CEP44: variants seen among roughly 807,000 people sequenced by gnomAD.
The protein encoded by CEP44 is centrosomal protein 44.
In CEP44, 45 loss-of-function variants were observed where a neutral mutation model predicts 46.7. That is an observed-to-expected ratio of 0.96 (90% CI 0.76 to 1.24). The LOEUF (loss-of-function observed/expected upper bound fraction) is 1.24. Among genes scored for constraint, CEP44 ranks in the 50% most tolerant of loss-of-function variants. CEP44 has a pLI of 0.00. For synonymous variants in CEP44, 142 were observed against 146.0 expected, an observed-to-expected ratio of 0.97 and a Z score of 0.20; for missense variants, 475 against 459.7, an observed-to-expected ratio of 1.03 and a Z score of -0.30.
At chr4:174,304,651 G>A (rs1049508448) in intron 6 of CEP44, among the ~76,000 whole-genome samples, 5 of 152,152 alleles carry the variant, frequency 3.3e-5, no homozygotes, top group Admixed American at 3.3e-4. Flanking sequence ...ATTATCTTAT[G>A]CAGTTATCTA....
Position 174,304,360 on chromosome 4 carries a change from C to T in CEP44, c.498C>T (p.Thr166=), listed in dbSNP as rs1321008840. The T allele has an allele frequency of 1.2e-6, 2 of 1,609,072 alleles. No individual in the cohort carries two copies. Among genetic ancestry groups the T allele is most frequent in the South Asian group, 1.1e-5 (1 of 89,568 alleles). ...TTGATATCAGTGGCAGGTTTATGAC[C>T]TCAGGAAAGGTATGCAACCACAAAG... ...VGVDISGRFM[T]SGKKKAVVIR... is the part of the protein sequence containing the mutation. Residue 166 remains threonine (T), a synonymous_variant, in exon 6 of 12, where the codon ACC becomes ACT. Transcript: ENST00000503780.
At chr4:174,293,215 C>T (rs116838163) in intron 1 of CEP44, among the ~76,000 whole-genome samples, 1,717 of 152,302 alleles carry the variant, frequency 0.011, 26 homozygotes, top group African/African-American at 0.039. Context: ...AGACCTTGGA[C>T]AGGTGAGTTG....
rs555691646 is a variant in CEP44, at chr4:174,290,728, A to C, written c.-148+6785A>C. ...GGCATTCTGTCTGGATGACCTGTACATTATAGAGAGTGATGTATCAAAGTC... is the reference window on the plus strand; with the variant it reads ...GGCATTCTGTCTGGATGACCTGTACCTTATAGAGAGTGATGTATCAAAGTC... On this transcript the variant is annotated intron_variant, in intron 1 of 11. Transcript: ENST00000503780. This position sits in a 1 kb window ranked among gnomAD's most constrained non-coding sequence, Gnocchi z 4.3. Among the ~76,000 whole-genome samples, 11 of 152,326 alleles carry C rather than the reference A, an allele frequency of 7.2e-5. No homozygotes were observed. The South Asian group carries it at 2.3e-3, about 32-fold the overall frequency.
Position 174,309,815 on chromosome 4 carries a change from T to C in CEP44, c.679-35T>C. The C allele has an allele frequency of 7.2e-7, 1 of 1,389,510 alleles. No individual in the cohort carries two copies. Among genetic ancestry groups the C allele is most frequent in the African/African-American group, 1.5e-5 (1 of 68,696 alleles). The allele number at this position is 1,389,510 out of a possible 1,614,324, so 86.1% of individuals were successfully genotyped here. A position where few individuals can be genotyped will look rare whatever the true frequency, so the allele number is the denominator to read the frequency against. On this transcript the variant is annotated intron_variant, in intron 7 of 11. Transcript: ENST00000503780. This position sits in a 1 kb window ranked among gnomAD's most constrained non-coding sequence, Gnocchi z 5.3. Reference sequence around the variant, plus strand: ...TTAATTTTAAAGAAATTTCAGTTTGTTTAATTTTATTTTTAATCTCTCTAA... The same window carrying C: ...TTAATTTTAAAGAAATTTCAGTTTGCTTAATTTTATTTTTAATCTCTCTAA...
At chr4:174,292,291 T>C (rs1738323380) in intron 1 of CEP44, among the ~76,000 whole-genome samples, 2 of 152,180 alleles carry the variant, frequency 1.3e-5, no homozygotes, top group African/African-American at 4.8e-5. Context: ...CAAAATTTTT[T>C]CTCTGTCTTT....
chr4:174,316,515 C>T lies in CEP44; in HGVS notation c.1087-15C>T. The T allele has an allele frequency of 2.5e-6, 4 of 1,575,222 alleles. No homozygotes were observed. The highest frequency in any genetic ancestry group is 2.3e-5 in the East Asian group (1 of 44,318). ...TTTGAGAAATCATCTAAATTTGTTG[C>T]TTTTTAAATTAAAGGAAACAACAAT... is the stretch of plus-strand genomic sequence containing the variant. On this transcript the variant is annotated splice_polypyrimidine_tract_variant and intron_variant, in intron 10 of 11. Transcript: ENST00000503780.
Position 174,314,078 on chromosome 4 carries a change from G to A in CEP44, c.962-2088G>A, listed in dbSNP as rs192126654. On this transcript the variant is annotated intron_variant, in intron 9 of 11. Coordinates refer to ENST00000503780, the MANE Select transcript of CEP44 (RefSeq NM_001040157.3). The surrounding 1 kb of genome is among the most constrained non-coding windows in gnomAD (Gnocchi z 4.1). ...AGGTGATAAGCCTCCAAAGATGGCAGTGAAAGATTAGTTGTTACGTGGTAA... is the reference window on the plus strand; with the variant it reads ...AGGTGATAAGCCTCCAAAGATGGCAATGAAAGATTAGTTGTTACGTGGTAA... Among the ~76,000 whole-genome samples, 3 of 152,276 alleles carry A rather than the reference G, an allele frequency of 2.0e-5. No individual in the cohort carries two copies. The highest frequency in any genetic ancestry group is 1.9e-4 in the East Asian group (1 of 5,182).
At position 174,283,957 on chromosome 4, in the gene CEP44, A is replaced by G. The variant is rs1020671491; in HGVS notation, c.-148+14A>G. 42 of 399,076 alleles carry G rather than the reference A, an allele frequency of 1.1e-4. 1 individual carries two copies. Among genetic ancestry groups the G allele is most frequent in the African/African-American group, 3.1e-4 (15 of 48,660 alleles). 24.7% of individuals were successfully genotyped at this position (399,076 alleles called of 1,614,324 possible). A position where few individuals can be genotyped will look rare whatever the true frequency, so the allele number is the denominator to read the frequency against. On this transcript the variant is annotated intron_variant, in intron 1 of 11. Transcript: ENST00000503780. This position sits in a 1 kb window ranked among gnomAD's most constrained non-coding sequence, Gnocchi z 6.7. ...GGTCTTGCGGTGGTGCGTGGCGGGC[A>G]GGAACCCACAATTCCAAATACAAAC...
intron 2 of CEP44, among the ~76,000 whole-genome samples, chr4:174,298,336 C>T (rs531437821): frequency 1.2e-3 from 183 of 151,336 alleles, no homozygotes; most frequent in African/African-American, 3.9e-3. Flanking sequence ...CCACTACGCC[C>T]GGCTAATTTT....
Position 174,331,784 on chromosome 4 carries a change from A to G in CEP44, c.*189A>G. Reference sequence around the variant, plus strand: ...ATGGGTAACACTTAGTTGTTTGTCTAATTTCTATTTTCCAGAAATTTCTCA... The same window carrying G: ...ATGGGTAACACTTAGTTGTTTGTCTGATTTCTATTTTCCAGAAATTTCTCA... On this transcript the variant is annotated 3_prime_UTR_variant, in exon 9 of 9. Transcript: ENST00000426172. This position sits in a 1 kb window ranked among gnomAD's most constrained non-coding sequence, Gnocchi z 4.5. 3.0e-6 allele frequency: 2 copies of G among 661,174 alleles called. No individual in the cohort carries two copies. Among genetic ancestry groups the G allele is most frequent in the East Asian group, 6.3e-5 (2 of 31,622 alleles). The allele number at this position is 661,174 out of a possible 1,614,324, so 41.0% of individuals were successfully genotyped here.
rs567816020 is a variant in CEP44, at chr4:174,329,524, A to G, written c.1087-1958A>G. On this transcript the variant is annotated intron_variant, in intron 8 of 8. Coordinates refer to the CEP44 transcript ENST00000426172. The surrounding 1 kb of genome is among the most constrained non-coding windows in gnomAD (Gnocchi z 4.0). ...AAGTTATAAAGTTGTCAATGTTGAA[A>G]TATATTTGGTATTTTAGCATTATCT... Among the ~76,000 whole-genome samples the G allele has an allele frequency of 2.3e-4, 35 of 152,306 alleles. No individual in the cohort carries two copies. Among genetic ancestry groups the G allele is most frequent in the Non-Finnish European group, 4.3e-4 (29 of 68,032 alleles).
Position 174,319,172 on chromosome 4 carries a change from T to A in CEP44, c.*1789T>A. The A allele has an allele frequency of 1.0e-6, 1 of 981,948 alleles. No individual in the cohort carries two copies. The highest frequency in any genetic ancestry group is 1.2e-6 in the Non-Finnish European group (1 of 826,770). 60.8% of individuals were successfully genotyped at this position (981,948 alleles called of 1,614,324 possible). A position where few individuals can be genotyped will look rare whatever the true frequency, so the allele number is the denominator to read the frequency against. On this transcript the variant is annotated 3_prime_UTR_variant, in exon 12 of 12. Coordinates refer to ENST00000503780, the MANE Select transcript of CEP44 (RefSeq NM_001040157.3). ...TTTAAAATGGTAGCCTACAGAAACA[T>A]ACAATTTTGAATTTAACAGAGTTTC...
In CEP44 at chr4:174,309,700, A is replaced by G. The variant is rs980730024; in HGVS notation, c.679-150A>G. On this transcript the variant is annotated intron_variant, in intron 7 of 11. Coordinates refer to ENST00000503780, the MANE Select transcript of CEP44 (RefSeq NM_001040157.3). The surrounding 1 kb of genome is among the most constrained non-coding windows in gnomAD (Gnocchi z 5.3). ...ATCTCAGAACTGGTTTAAGTGGCCAAGTAGTCTCCATCCAGAGATAGCTCT... is the reference window on the plus strand; with the variant it reads ...ATCTCAGAACTGGTTTAAGTGGCCAGGTAGTCTCCATCCAGAGATAGCTCT... The G allele has an allele frequency of 3.5e-6, 2 of 571,690 alleles. No homozygotes were observed. The highest frequency in any genetic ancestry group is 3.7e-5 in the African/African-American group (2 of 53,570). 35.4% of individuals were successfully genotyped at this position (571,690 alleles called of 1,614,324 possible).
intron 6 of CEP44, 30 bp downstream of exon 6, chr4:174,304,399 G>GT: frequency 6.3e-7 from 1 of 1,593,548 alleles, no homozygotes. Flanking sequence ...ATATCATATT[G>GT]TTTAAGAGTT....
At chr4:174,289,185 C>A (rs1737883735) in intron 1 of CEP44, among the ~76,000 whole-genome samples, 2 of 151,836 alleles carry the variant, frequency 1.3e-5, no homozygotes. Flanking sequence ...AGGATTTTTA[C>A]GTCTATATTC....
chr4:174,319,305 A>G lies in CEP44; in HGVS notation c.*1922A>G, dbSNP rs1397640948. The G allele has an allele frequency of 2.0e-6, 2 of 980,196 alleles. No individual in the cohort carries two copies. Among genetic ancestry groups the G allele is most frequent in the Non-Finnish European group, 2.4e-6 (2 of 825,224 alleles). The allele number at this position is 980,196 out of a possible 1,614,324, so 60.7% of individuals were successfully genotyped here. ...GTTAAGAGGTTATAGTTATAAGGGA[A>G]AAAACTTCTGTATCGATTAACTCCT... On this transcript the variant is annotated 3_prime_UTR_variant, in exon 12 of 12. Coordinates refer to ENST00000503780, the MANE Select transcript of CEP44 (RefSeq NM_001040157.3).
chr4:174,296,894 A>G (rs1270316336), intron 1 of CEP44, among the ~76,000 whole-genome samples: 1 of 150,794 alleles, frequency 6.6e-6, no homozygotes, highest in East Asian at 2.0e-4. Flanking sequence ...ATATCTTGAC[A>G]TTGTGTTGTC....
chr4:174,295,002 C>T (rs1186232399), intron 1 of CEP44, among the ~76,000 whole-genome samples: 2 of 139,362 alleles, frequency 1.4e-5, no homozygotes, highest in African/African-American at 2.9e-5. Flanking sequence ...ACCTCCCTCC[C>T]GGATGGGACG....
At chr4:174,296,179 T>C (rs1354717845) in intron 1 of CEP44, among the ~76,000 whole-genome samples, 1 of 152,238 alleles carries the variant, frequency 6.6e-6, no homozygotes, top group East Asian at 1.9e-4. Context: ...TTTGATATTC[T>C]TCCTATGTGA....
Sources: allele counts gnomAD v4.1 joint callset (sites outside exome capture counted in the v4.1 genomes callset), GRCh38; gene constraint gnomAD v4.1.1; non-coding constraint Gnocchi (gnomAD v3.1); transcripts MANE v1.5; gene names NCBI Gene and HGNC (gene_info 2026-07-23, HGNC 2026-07-21).